CAMK4: variants seen among roughly 807,000 people sequenced by gnomAD.
CAMK4 encodes calcium/calmodulin dependent protein kinase IV, also known as calcium/calmodulin-dependent protein kinase type IV.
A neutral mutation model predicts 44.9 loss-of-function variants in CAMK4; 22 were observed. That is an observed-to-expected ratio of 0.49 (90% confidence interval 0.35 to 0.70). The LOEUF (loss-of-function observed/expected upper bound fraction) is 0.70. CAMK4 is among the 30% of genes least tolerant of loss of function. The probability of loss-of-function intolerance (pLI) is 0.01; values close to 1 mark genes in which losing one functional copy is unlikely to be tolerated. For missense variants in CAMK4, 498 were observed against 586.8 expected (o/e 0.85, Z 1.56); for synonymous variants, 218 against 215.4 (o/e 1.01, Z -0.11).
intron 4 of CAMK4, among the ~76,000 whole-genome samples, chr5:111,379,018 C>T (rs1580674797): frequency 6.6e-6 from 1 of 151,858 alleles, no homozygotes; most frequent in East Asian, 1.9e-4. Context: ...TGGATGTATT[C>T]CTTCTTTAGT....
chr5:111,411,031 A>C (rs1752614390), intron 5 of CAMK4, among the ~76,000 whole-genome samples: 1 of 152,180 alleles, frequency 6.6e-6, no homozygotes, highest in Admixed American at 6.5e-5. Context: ...ACACACACAC[A>C]AAAGTTTCAA....
intron 7 of CAMK4, among the ~76,000 whole-genome samples, chr5:111,460,506 A>G (rs1395944362): frequency 6.6e-6 from 1 of 152,052 alleles, no homozygotes; most frequent in Admixed American, 6.6e-5. Context: ...TCCTGAGCTC[A>G]GACAATCCAC....
At chr5:111,478,278 G>T in intron 8 of CAMK4, 103 bp from the exon 9 acceptor site, 2 of 622,384 alleles carry the variant, frequency 3.2e-6, no homozygotes, top group Admixed American at 5.5e-5. Context: ...TGCTTCCATG[G>T]CAGGAAGCAG....
intron 1 of CAMK4, among the ~76,000 whole-genome samples, chr5:111,325,207 C>T (rs1477461957): frequency 6.6e-6 from 1 of 151,956 alleles, no homozygotes; most frequent in Non-Finnish European, 1.5e-5. Flanking sequence ...ATATTGTATT[C>T]TGTGGTATAT....
chr5:111,381,729 A>G (rs371163882), intron 4 of CAMK4, among the ~76,000 whole-genome samples: 2 of 152,250 alleles, frequency 1.3e-5, no homozygotes, highest in East Asian at 1.9e-4. Flanking sequence ...GATTTGTTCA[A>G]ATAGATTTTT....
At chr5:111,242,864 A>G (rs1449616757) in intron 1 of CAMK4, among the ~76,000 whole-genome samples, 1 of 150,948 alleles carries the variant, frequency 6.6e-6, no homozygotes, top group Non-Finnish European at 1.5e-5. Flanking sequence ...CCCCTCTTCC[A>G]TATTTTGTAA....
intron 4 of CAMK4, among the ~76,000 whole-genome samples, chr5:111,378,928 C>G (rs1375286046): frequency 1.3e-5 from 2 of 152,142 alleles, no homozygotes; most frequent in Non-Finnish European, 2.9e-5. Flanking sequence ...GCAAGAGTCT[C>G]CTGGCCTAGC....
chr5:111,263,847 T>C (rs1462869911), intron 1 of CAMK4, among the ~76,000 whole-genome samples: 1 of 152,168 alleles, frequency 6.6e-6, no homozygotes, highest in Admixed American at 6.5e-5. Context: ...ACTATGTACT[T>C]TTTCTTTGTG....
At chr5:111,369,296 T>G (rs1356486426) in intron 2 of CAMK4, among the ~76,000 whole-genome samples, 2 of 152,078 alleles carry the variant, frequency 1.3e-5, no homozygotes, top group East Asian at 3.9e-4. Context: ...AACTCCTGGC[T>G]CCAAGTGATC....
At chr5:111,445,697 G>A (rs1286447838) in intron 5 of CAMK4, among the ~76,000 whole-genome samples, 1 of 152,106 alleles carries the variant, frequency 6.6e-6, no homozygotes, top group Non-Finnish European at 1.5e-5. Context: ...CGAATTGCTG[G>A]TATTACGGTC....
intron 9 of CAMK4, among the ~76,000 whole-genome samples, chr5:111,480,938 A>C (rs1755414848): frequency 6.6e-6 from 1 of 152,166 alleles, no homozygotes; most frequent in African/African-American, 2.4e-5. Context: ...AGAATCCTTG[A>C]GCTCCATAAA....
chr5:111,332,448 A>G (rs940739308), intron 1 of CAMK4, among the ~76,000 whole-genome samples: 2 of 151,332 alleles, frequency 1.3e-5, no homozygotes, highest in African/African-American at 4.9e-5. Flanking sequence ...CACGATGTAT[A>G]TGTGCCACAT....
intron 1 of CAMK4, among the ~76,000 whole-genome samples, chr5:111,261,225 A>G (rs1426954648): frequency 6.6e-6 from 1 of 152,236 alleles, no homozygotes; most frequent in Non-Finnish European, 1.5e-5. Flanking sequence ...TACCATTGAT[A>G]ACATTACATT....
intron 2 of CAMK4, among the ~76,000 whole-genome samples, chr5:111,352,123 A>T (rs1360515670): frequency 6.6e-6 from 1 of 152,132 alleles, no homozygotes; most frequent in Non-Finnish European, 1.5e-5. Context: ...TTAGGCTTCA[A>T]TGTGAATTTT....
chr5:111,365,382 C>T (rs190702642), intron 2 of CAMK4, among the ~76,000 whole-genome samples: 7 of 152,008 alleles, frequency 4.6e-5, no homozygotes, highest in South Asian at 4.2e-4. Flanking sequence ...AAGGAAGAAT[C>T]GAGGAAGTGG....
chr5:111,276,569 A>G (rs989857529), intron 1 of CAMK4, among the ~76,000 whole-genome samples: 12 of 152,340 alleles, frequency 7.9e-5, no homozygotes, highest in African/African-American at 2.9e-4. Flanking sequence ...CTGTAAAAAT[A>G]TGTATTTATA....
intron 2 of CAMK4, among the ~76,000 whole-genome samples, chr5:111,349,596 C>G (rs547103289): frequency 6.6e-6 from 1 of 151,964 alleles, no homozygotes; most frequent in Admixed American, 6.6e-5. Flanking sequence ...CTGGACTGAA[C>G]TCTGCTGAGT....
chr5:111,432,637 C>CAT (rs1307709530), intron 5 of CAMK4, among the ~76,000 whole-genome samples: 2 of 136,942 alleles, frequency 1.5e-5, no homozygotes, highest in Non-Finnish European at 3.1e-5. Flanking sequence ...TATATATATA[C>CAT]ATATATATAT....
At chr5:111,276,156 C>A (rs1750751739) in intron 1 of CAMK4, among the ~76,000 whole-genome samples, 1 of 152,156 alleles carries the variant, frequency 6.6e-6, no homozygotes, top group South Asian at 2.1e-4. Context: ...GCATTCCCTC[C>A]AGTCTGCTGT....
Sources: allele counts gnomAD v4.1 joint callset (sites outside exome capture counted in the v4.1 genomes callset), GRCh38; gene constraint gnomAD v4.1.1; transcripts MANE v1.5; gene names NCBI Gene and HGNC (gene_info 2026-07-23, HGNC 2026-07-21).